ESR1: variants seen among roughly 807,000 people sequenced by gnomAD.
ESR1 encodes the protein estrogen receptor 1.
A neutral mutation model predicts 52.7 loss-of-function variants in ESR1; 12 were observed. That is an observed-to-expected ratio of 0.23 (90% CI 0.15 to 0.37). The LOEUF is 0.37. Among genes scored for constraint, ESR1 ranks in the 10% least tolerant of loss-of-function variants. The probability of loss-of-function intolerance (pLI) is 1.00; values close to 1 mark genes in which losing one functional copy is unlikely to be tolerated. For synonymous variants in ESR1, 305 were observed against 316.8 expected (o/e 0.96, Z 0.39); for missense variants, 584 against 779.7 (o/e 0.75, Z 2.99).
intron 3 of ESR1, among the ~76,000 whole-genome samples, chr6:151,883,726 G>T (rs996308296): frequency 1.8e-4 from 27 of 152,220 alleles, no homozygotes; most frequent in Non-Finnish European, 3.2e-4. Context: ...GAAGTCAATT[G>T]CCTCATAGCT....
chr6:151,855,562 T>G (rs1043221070), intron 2 of ESR1, among the ~76,000 whole-genome samples: 4 of 152,192 alleles, frequency 2.6e-5, no homozygotes, highest in African/African-American at 9.7e-5. Context: ...GTAACAGATA[T>G]GTATTGAATG....
At chr6:151,668,546 G>A (rs1187439344) in intron 1 of ESR1, among the ~76,000 whole-genome samples, 1 of 152,154 alleles carries the variant, frequency 6.6e-6, no homozygotes. Flanking sequence ...GCCTCCTAAA[G>A]TGTTGGGATT....
At chr6:151,905,557 A>AT (rs1797307987) in intron 3 of ESR1, among the ~76,000 whole-genome samples, 1 of 152,200 alleles carries the variant, frequency 6.6e-6, no homozygotes, top group Non-Finnish European at 1.5e-5. Flanking sequence ...CCACTTAATA[A>AT]AAGGAAATAT....
intron 4 of ESR1, among the ~76,000 whole-genome samples, chr6:151,988,703 C>A (rs1191172630): frequency 2.0e-5 from 3 of 152,000 alleles, no homozygotes; most frequent in Admixed American, 2.0e-4. Flanking sequence ...TGTGAGAAAC[C>A]TGCACGTGTA....
At chr6:151,894,249 T>G (rs975889898) in intron 3 of ESR1, among the ~76,000 whole-genome samples, 1 of 151,814 alleles carries the variant, frequency 6.6e-6, no homozygotes, top group African/African-American at 2.4e-5. Context: ...GGATTGTTTG[T>G]TTTTTTTCTT....
At chr6:152,017,780 G>A (rs996810333) in intron 5 of ESR1, among the ~76,000 whole-genome samples, 1 of 152,042 alleles carries the variant, frequency 6.6e-6, no homozygotes, top group Admixed American at 6.6e-5. Flanking sequence ...AGTAAATGGT[G>A]TTAGAAGAAA....
chr6:151,988,157 C>T lies in ESR1; in HGVS notation c.1097-23499C>T, dbSNP rs117380166. ...CTTTATTTCTATTATTATTACATTG[C>T]AATACATAAGGAAGTAATTATACAA... On this transcript the variant is annotated intron_variant, in intron 4 of 7. Coordinates refer to ENST00000206249, the MANE Select transcript of ESR1 (RefSeq NM_000125.4). Among the ~76,000 whole-genome samples, 30 of 152,138 alleles carry T rather than the reference C, an allele frequency of 2.0e-4. No homozygotes were observed. The East Asian group carries it at 5.0e-3, about 25-fold the overall frequency.
At chr6:151,915,628 T>C (rs2029908545) in intron 3 of ESR1, among the ~76,000 whole-genome samples, 2 of 152,232 alleles carry the variant, frequency 1.3e-5, no homozygotes, top group African/African-American at 4.8e-5. Context: ...GAAATGGAGC[T>C]AGCTTTAGTA....
intron 4 of ESR1, among the ~76,000 whole-genome samples, chr6:152,003,053 C>A (rs2042078397): frequency 6.6e-6 from 1 of 151,974 alleles, no homozygotes; most frequent in African/African-American, 2.4e-5. Context: ...CTTCAGAACT[C>A]TTCTCAAATG....
At chr6:151,760,964 C>G (rs1227628310) in intron 2 of ESR1, among the ~76,000 whole-genome samples, 1 of 152,050 alleles carries the variant, frequency 6.6e-6, no homozygotes, top group African/African-American at 2.4e-5. Flanking sequence ...TATTAGCATA[C>G]TGATATGTTT....
At chr6:151,748,522 A>G (rs1331743939) in intron 2 of ESR1, among the ~76,000 whole-genome samples, 2 of 152,196 alleles carry the variant, frequency 1.3e-5, no homozygotes, top group African/African-American at 4.8e-5. Flanking sequence ...TTTTGCTCTT[A>G]TAAGTAATGC....
At chr6:152,015,248 ACCCTCC>A (rs2043081514) in intron 5 of ESR1, among the ~76,000 whole-genome samples, 1 of 152,024 alleles carries the variant, frequency 6.6e-6, no homozygotes, top group South Asian at 2.1e-4. Context: ...CTTCTGAGAG[ACCCTCC>A]ACCATTACGG....
At chr6:151,674,717 C>T (rs1778193380) in intron 1 of ESR1, among the ~76,000 whole-genome samples, 1 of 152,144 alleles carries the variant, frequency 6.6e-6, no homozygotes, top group Non-Finnish European at 1.5e-5. Context: ...TAATGATCGC[C>T]ATTCTAACTG....
rs930429007 is a variant in ESR1, at chr6:152,069,583, G to A, written c.1369+8459G>A. On this transcript the variant is annotated intron_variant, in intron 6 of 7. Coordinates refer to ENST00000206249, the MANE Select transcript of ESR1 (RefSeq NM_000125.4). ...AAAATTTTTCCACAGATGGGGTGGT[G>A]TAGGGTGGGGTGGGGGATAGCTTCG... 6.6e-5 allele frequency among the ~76,000 whole-genome samples: 9 copies of A among 135,988 alleles called. 2 individuals carry two copies. Among genetic ancestry groups the A allele is most frequent in the African/African-American group, 2.3e-4 (7 of 30,240 alleles). The allele number at this position is 135,988 out of a possible 152,430, so 89.2% of individuals were successfully genotyped here.
intron 2 of ESR1, among the ~76,000 whole-genome samples, chr6:151,761,996 C>T (rs542976705): frequency 2.6e-5 from 4 of 152,282 alleles, no homozygotes; most frequent in African/African-American, 9.6e-5. Flanking sequence ...ACAAAACGTG[C>T]TTTTTTATCT....
intron 2 of ESR1, among the ~76,000 whole-genome samples, chr6:151,781,786 A>T (rs928640615): frequency 5.3e-5 from 8 of 150,614 alleles, no homozygotes; most frequent in African/African-American, 9.8e-5. Context: ...TGTTTGTTTT[A>T]AAAAAAAGTA....
At chr6:152,000,548 TA>T (rs2041866363) in intron 4 of ESR1, among the ~76,000 whole-genome samples, 1 of 151,940 alleles carries the variant, frequency 6.6e-6, no homozygotes, top group South Asian at 2.1e-4. Context: ...CTGAGCAAAT[TA>T]GAGCCCAGGT....
chr6:152,031,177 G>A (rs552124217), intron 5 of ESR1, among the ~76,000 whole-genome samples: 27 of 152,336 alleles, frequency 1.8e-4, no homozygotes, highest in Non-Finnish European at 2.6e-4. Context: ...ATGCCCGCAA[G>A]AGAAAGCAGG....
chr6:152,114,794 G>A (rs540639580), intron 6 of ESR1, among the ~76,000 whole-genome samples: 1 of 149,856 alleles, frequency 6.7e-6, no homozygotes, highest in East Asian at 2.0e-4. Flanking sequence ...GGGAGGCTGA[G>A]GCAGGAGAAT....
Sources: gnomAD v4.1 joint callset for allele counts (sites outside exome capture counted in the v4.1 genomes callset) on GRCh38, gnomAD v4.1.1 for gene constraint, MANE v1.5 for transcripts, NCBI Gene and HGNC (gene_info 2026-07-23, HGNC 2026-07-21) for gene names.